The following XPNPEP1 variants were observed in gnomAD, a reference collection of about 807,000 sequenced individuals.
XPNPEP1 encodes the protein X-prolyl aminopeptidase 1, also known as xaa-Pro aminopeptidase 1.
Under a neutral mutation model 92.4 loss-of-function variants are expected in XPNPEP1, and 39 were observed. The observed-to-expected ratio is 0.42, with a 90% CI of 0.33 to 0.55. The LOEUF (loss-of-function observed/expected upper bound fraction) is 0.55, where lower values mean the gene tolerates loss of function less well. Ranked by LOEUF, XPNPEP1 falls within the 20% of genes least tolerant of loss-of-function variation. The pLI, the probability that XPNPEP1 is intolerant of heterozygous loss-of-function variation, is 0.08. For missense variants in XPNPEP1, 654 were observed against 856.1 expected, an observed-to-expected ratio of 0.76 and a Z score of 2.95; for synonymous variants, 307 against 299.4, an observed-to-expected ratio of 1.03 and a Z score of -0.26.
chr10:109,873,497 A>G, intron 15 of XPNPEP1, 70 bp from the exon 16 acceptor site: 1 of 1,592,346 alleles, frequency 6.3e-7, no homozygotes. Context: ...ACAGGCAAGC[A>G]TGTGGACAAG....
chr10:109,915,682 G>T (rs1850145469), intron 1 of XPNPEP1, among the ~76,000 whole-genome samples: 2 of 152,218 alleles, frequency 1.3e-5, no homozygotes, highest in South Asian at 4.1e-4. Flanking sequence ...TGTACAAGCA[G>T]TTCTGTTATT....
chr10:109,883,098 T>C (rs968735433), intron 9 of XPNPEP1, among the ~76,000 whole-genome samples: 5 of 152,208 alleles, frequency 3.3e-5, no homozygotes, highest in Non-Finnish European at 7.3e-5. Context: ...GAAAAATTCG[T>C]TCAATAGCTT....
At chr10:109,881,004 T>C (rs1848063878) in intron 10 of XPNPEP1, 73 bp from the exon 11 acceptor site, 2 of 1,431,580 alleles carry the variant, frequency 1.4e-6, no homozygotes, top group Admixed American at 2.0e-5. Context: ...ACAACCTTTT[T>C]GCTCAGCAAA....
At chr10:109,877,622 G>T (rs1422048444) in intron 14 of XPNPEP1, 168 bp downstream of exon 14, 18 of 837,412 alleles carry the variant, frequency 2.1e-5, no homozygotes, top group Admixed American at 2.6e-5. Flanking sequence ...GAGGCTTGGG[G>T]ATTGGGAGAA....
chr10:109,868,738 G>A (rs749116966), intron 19 of XPNPEP1, 26 bp from the exon 20 acceptor site: 1 of 1,592,318 alleles, frequency 6.3e-7, no homozygotes, highest in Non-Finnish European at 8.6e-7. Context: ...GAAAACAGAT[G>A]CTTTTACTCC....
intron 5 of XPNPEP1, among the ~76,000 whole-genome samples, chr10:109,889,648 C>T (rs1347494812): frequency 6.6e-6 from 1 of 152,234 alleles, no homozygotes; most frequent in Non-Finnish European, 1.5e-5. Flanking sequence ...CATATCTAGC[C>T]AGTTATCTTT....
Position 109,867,216 on chromosome 10 carries a change from G to A in XPNPEP1, c.1872+1398C>T, listed in dbSNP as rs1300402735. Among the ~76,000 whole-genome samples the A allele has an allele frequency of 6.6e-6, 1 of 152,214 alleles. No individual in the cohort carries two copies. Among genetic ancestry groups the A allele is most frequent in the Non-Finnish European group, 1.5e-5 (1 of 68,038 alleles). ...ATGGGGCAGAGGGATTCTAAGCAGG[G>A]TGGGTCCCATGCCCACCTATGTGTT... On this transcript the variant is annotated intron_variant, in intron 20 of 20. Coordinates refer to ENST00000502935, the MANE Select transcript of XPNPEP1 (RefSeq NM_020383.4). The surrounding 1 kb of genome is among the most constrained non-coding windows in gnomAD (Gnocchi z 4.5).
intron 1 of XPNPEP1, 160 bp downstream of exon 1, chr10:109,923,242 C>T: frequency 1.0e-6 from 1 of 985,352 alleles, no homozygotes; most frequent in Non-Finnish European, 1.2e-6. Flanking sequence ...CCCCTTCCCC[C>T]GGCTCCTGTT....
Position 109,886,352 on chromosome 10 carries a change from CA to C in XPNPEP1, c.653-12del. 1 of 1,613,426 alleles carries C rather than the reference CA, an allele frequency of 6.2e-7. No individual in the cohort carries two copies. Among genetic ancestry groups the C allele is most frequent in the Non-Finnish European group, 8.5e-7 (1 of 1,179,588 alleles). ...CCTTCCAGGAGATGCCTGCAAGAAA[CA>C]AATGTGCTTTAACTCCAGCCCTGGT... On this transcript the variant is annotated splice_polypyrimidine_tract_variant and intron_variant, in intron 7 of 20. Transcript: ENST00000502935.
chr10:109,887,987 C>T lies in XPNPEP1; in HGVS notation c.652+62G>A, dbSNP rs561639076. 8.2e-6 allele frequency: 13 copies of T among 1,595,060 alleles called. No homozygotes were observed. In the African/African-American group the frequency reaches 1.5e-4, roughly 18 times the overall value. On this transcript the variant is annotated intron_variant, in intron 7 of 20. Transcript: ENST00000502935. Reference sequence around the variant, plus strand: ...TGGATTCGGAGGACGAGGCTGGAGACAATAGCAAGAGGTGGGGGGACAATG... The same window carrying T: ...TGGATTCGGAGGACGAGGCTGGAGATAATAGCAAGAGGTGGGGGGACAATG...
At chr10:109,876,337 C>A (rs867156920) in intron 14 of XPNPEP1, 1 of 152,218 alleles carries the variant, frequency 6.6e-6, no homozygotes, top group South Asian at 2.1e-4. Flanking sequence ...GGTACCACCC[C>A]CTCTTCAGCA....
chr10:109,901,238 C>T (rs1469107396), intron 3 of XPNPEP1, among the ~76,000 whole-genome samples: 1 of 126,328 alleles, frequency 7.9e-6, no homozygotes, highest in Non-Finnish European at 1.6e-5. Context: ...AACAATGGAA[C>T]ATCACACACT....
chr10:109,886,781 C>G (rs954559655), intron 7 of XPNPEP1, among the ~76,000 whole-genome samples: 1 of 152,196 alleles, frequency 6.6e-6, no homozygotes, highest in Non-Finnish European at 1.5e-5. Flanking sequence ...TATCAACACA[C>G]TACCCAGCAA....
chr10:109,893,417 T>C (rs2133453723), intron 3 of XPNPEP1: 1 of 198,284 alleles, frequency 5.0e-6, no homozygotes, highest in African/African-American at 2.3e-5. Context: ...GCCACTGACA[T>C]TTAGGCATCT....
At chr10:109,887,947 A>C in intron 7 of XPNPEP1, 102 bp downstream of exon 7, 1 of 1,495,506 alleles carries the variant, frequency 6.7e-7, no homozygotes, top group Admixed American at 2.1e-5. Flanking sequence ...TCCTCCTGTC[A>C]GCTCCAACTC....
At chr10:109,914,840 C>T (rs897720547) in intron 2 of XPNPEP1, among the ~76,000 whole-genome samples, 171 bp downstream of exon 2, 2 of 147,964 alleles carry the variant, frequency 1.4e-5, no homozygotes, top group East Asian at 3.9e-4. Context: ...AAACAGTAAC[C>T]AACCACTTAG....
intron 8 of XPNPEP1, among the ~76,000 whole-genome samples, chr10:109,884,885 C>A (rs764907363): frequency 6.6e-6 from 1 of 152,208 alleles, no homozygotes; most frequent in Non-Finnish European, 1.5e-5. Flanking sequence ...AGCAAAAAAA[C>A]GCCTGGGCAT....
At position 109,867,864 on chromosome 10, in the gene XPNPEP1, C is replaced by A. The variant is rs1475804089; in HGVS notation, c.1872+750G>T. Among the ~76,000 whole-genome samples the A allele has an allele frequency of 6.6e-6, 1 of 152,330 alleles. No individual in the cohort carries two copies. The highest frequency in any genetic ancestry group is 6.5e-5 in the Admixed American group (1 of 15,306). On this transcript the variant is annotated intron_variant, in intron 20 of 20. Transcript: ENST00000502935. This position sits in a 1 kb window ranked among gnomAD's most constrained non-coding sequence, Gnocchi z 4.5. ...GGCTTCCAGCTTCCTGGTTTGGGAA[C>A]TGTTTTGTCTGTCTAGTGCTAACAG...
intron 15 of XPNPEP1, among the ~76,000 whole-genome samples, chr10:109,874,694 A>G (rs545112057): frequency 2.4e-4 from 37 of 152,218 alleles, no homozygotes; most frequent in Non-Finnish European, 4.6e-4. Flanking sequence ...TCACGCCTGT[A>G]ATCCCAGCAC....
Sources: allele counts gnomAD v4.1 joint callset (sites outside exome capture counted in the v4.1 genomes callset), GRCh38; gene constraint gnomAD v4.1.1; non-coding constraint Gnocchi (gnomAD v3.1); transcripts MANE v1.5; gene names NCBI Gene and HGNC (gene_info 2026-07-23, HGNC 2026-07-21).